PIWIL2: variants seen among roughly 807,000 people sequenced by gnomAD.
PIWIL2 encodes the protein piwi like RNA-mediated gene silencing 2.
In PIWIL2, 81 loss-of-function variants were observed where a neutral mutation model predicts 116.5. That is an observed-to-expected ratio of 0.70 (90% CI 0.58 to 0.84). The LOEUF (loss-of-function observed/expected upper bound fraction) is 0.84. PIWIL2 is among the 40% of genes least tolerant of loss of function. PIWIL2 has a pLI of 0.00. For synonymous variants in PIWIL2, 489 were observed against 429.5 expected (o/e 1.14, Z -1.71); for missense variants, 1,272 against 1,212.3 (o/e 1.05, Z -0.73).
intron 10 of PIWIL2, among the ~76,000 whole-genome samples, chr8:22,291,496 A>T (rs551860950): frequency 6.6e-6 from 1 of 152,314 alleles, no homozygotes; most frequent in Non-Finnish European, 1.5e-5. Flanking sequence ...CATCTTACAC[A>T]TAAGTCTGTA....
chr8:22,288,370 C>T (rs550625306), intron 7 of PIWIL2, among the ~76,000 whole-genome samples, 172 bp from the exon 8 acceptor site: 3 of 151,124 alleles, frequency 2.0e-5, no homozygotes, highest in South Asian at 2.1e-4. Flanking sequence ...TTTTCTGAAT[C>T]GTAGTTGTCA....
chr8:22,343,822 T>G (rs184894475), intron 20 of PIWIL2, among the ~76,000 whole-genome samples: 170 of 152,328 alleles, frequency 1.1e-3, no homozygotes, highest in Non-Finnish European at 2.1e-3. Context: ...TGCAAAACAG[T>G]TTGGCAGCTA....
Position 22,312,265 on chromosome 8 carries a change from C to CA in PIWIL2, c.1989+982dup, listed in dbSNP as rs56133501. ...GGGCAACAGAGTGAGACCTTTTCTC[C>CA]AAAAAAAAAAAAAAAAATGAGATAG... On this transcript the variant is annotated intron_variant, in intron 16 of 22. Coordinates refer to ENST00000356766, the MANE Select transcript of PIWIL2 (RefSeq NM_018068.5). 5.3e-3 allele frequency among the ~76,000 whole-genome samples: 695 copies of CA among 130,122 alleles called. 2 individuals are homozygous for CA. Among genetic ancestry groups the CA allele is most frequent in the African/African-American group, 0.016 (538 of 32,640 alleles). 85.4% of individuals were successfully genotyped at this position (130,122 alleles called of 152,430 possible).
intron 16 of PIWIL2, among the ~76,000 whole-genome samples, chr8:22,311,625 C>T (rs187493946): frequency 9.1e-4 from 139 of 152,320 alleles, no homozygotes; most frequent in African/African-American, 2.4e-3. Flanking sequence ...TGCCGTCTTG[C>T]ACGATTCACT....
At chr8:22,307,058 T>C (rs545304629) in intron 13 of PIWIL2, among the ~76,000 whole-genome samples, 3 of 152,242 alleles carry the variant, frequency 2.0e-5, no homozygotes, top group Non-Finnish European at 4.4e-5. Context: ...AAGTGACTTA[T>C]GGTAACATCA....
rs1256292655 is a variant in PIWIL2 at position 22,310,039 on chromosome 8, G to A, written c.1765G>A (p.Val589Ile). Residue 589 changes from valine (V) to isoleucine (I), a missense_variant, in exon 15 of 23, where the codon GTT (valine) becomes ATT (isoleucine). Val to Ile is a conservative substitution (Grantham distance 29). Coordinates refer to ENST00000356766, the MANE Select transcript of PIWIL2 (RefSeq NM_018068.5). ...SFITSQELNW[V>I]KEVTRDPSIL... The stretch of plus-strand genomic sequence containing the variant: ...TATCACATCTCAGGAACTAAACTGG[G>A]TTAAGGAAGTAACCAGAGACCCTTC... 6.2e-7 allele frequency: 1 copy of A among 1,607,868 alleles called. No homozygotes were observed. The highest frequency in any genetic ancestry group is 8.5e-7 in the Non-Finnish European group (1 of 1,174,434).
rs758793791 is a variant in PIWIL2, at chr8:22,315,164, G to A, written c.2208+19G>A. On this transcript the variant is annotated intron_variant, in intron 18 of 22. Transcript: ENST00000356766. ...TCCTCTGGTGAGTGATGCCGAGATG[G>A]TTCAGTTTGCCTCTCCAGAGAATCC... 63 of 1,327,386 alleles carry A rather than the reference G, an allele frequency of 4.7e-5. No individual in the cohort carries two copies. The East Asian group carries it at 1.4e-3, about 30-fold the overall frequency. 82.2% of individuals were successfully genotyped at this position (1,327,386 alleles called of 1,614,324 possible).
At chr8:22,302,107 A>C (rs76471371) in intron 10 of PIWIL2, among the ~76,000 whole-genome samples, 7,549 of 151,818 alleles carry the variant, frequency 0.05, 293 homozygotes, top group Admixed American at 0.086. Flanking sequence ...GTGTATTATA[A>C]TTTTCAAATA....
At chr8:22,331,782 T>G (rs1831867351) in intron 20 of PIWIL2, among the ~76,000 whole-genome samples, 1 of 152,090 alleles carries the variant, frequency 6.6e-6, no homozygotes, top group African/African-American at 2.4e-5. Flanking sequence ...CTTGTGTCTG[T>G]GTCCTCATCT....
intron 6 of PIWIL2, among the ~76,000 whole-genome samples, chr8:22,284,712 C>G (rs1366493680): frequency 2.0e-5 from 3 of 148,990 alleles, no homozygotes; most frequent in Non-Finnish European, 3.0e-5. Flanking sequence ...GCCATCATAC[C>G]AACATCTGAC....
At chr8:22,301,128 C>T (rs1030837660) in intron 10 of PIWIL2, among the ~76,000 whole-genome samples, 1 of 151,812 alleles carries the variant, frequency 6.6e-6, no homozygotes, top group African/African-American at 2.4e-5. Context: ...TACAGGCATG[C>T]ACCACCATGC....
At chr8:22,280,605 G>C (rs1830477344) in intron 2 of PIWIL2, among the ~76,000 whole-genome samples, 2 of 152,134 alleles carry the variant, frequency 1.3e-5, no homozygotes, top group South Asian at 4.1e-4. Flanking sequence ...ATTCATGTCA[G>C]ATCCAACTGG....
intron 20 of PIWIL2, among the ~76,000 whole-genome samples, chr8:22,336,103 TCAA>T (rs1831976148): frequency 6.6e-6 from 1 of 152,116 alleles, no homozygotes; most frequent in Non-Finnish European, 1.5e-5. Flanking sequence ...AGATGTAAGA[TCAA>T]CAAGGAAATG....
At chr8:22,307,821 A>AT in intron 13 of PIWIL2, 112 bp from the exon 14 acceptor site, 1 of 750,354 alleles carries the variant, frequency 1.3e-6, no homozygotes, top group Non-Finnish European at 2.1e-6. Context: ...ATGTTTGAAA[A>AT]TTTCTGCTGA....
chr8:22,317,854 G>T (rs1166022263), intron 19 of PIWIL2, among the ~76,000 whole-genome samples: 1 of 151,898 alleles, frequency 6.6e-6, no homozygotes, highest in South Asian at 2.1e-4. Context: ...GTAGAGACGG[G>T]GTTTCACCGT....
intron 20 of PIWIL2, among the ~76,000 whole-genome samples, chr8:22,351,379 A>T (rs1014042260): frequency 1.4e-5 from 2 of 139,480 alleles, no homozygotes; most frequent in Admixed American, 7.4e-5. Flanking sequence ...TTATTTTTTT[A>T]AAGTATTCTT....
In PIWIL2 at chr8:22,356,906, G is replaced by A. The variant is rs1045182547; in HGVS notation, c.*1401G>A. On this transcript the variant is annotated 3_prime_UTR_variant, in exon 23 of 23. Transcript: ENST00000356766. ...TCTTCTCCCAGTCCCTTCGGGCCTA[G>A]TTCTGTCTCATCTTGCTTTATTGGG... 6.6e-5 allele frequency: 10 copies of A among 152,022 alleles called. No homozygotes were observed. The highest frequency in any genetic ancestry group is 8.8e-5 in the Non-Finnish European group (6 of 68,014). 9.4% of individuals were successfully genotyped at this position (152,022 alleles called of 1,614,324 possible).
At chr8:22,305,386 G>T (rs1378317386) in intron 12 of PIWIL2, among the ~76,000 whole-genome samples, 1 of 151,972 alleles carries the variant, frequency 6.6e-6, no homozygotes, top group African/African-American at 2.4e-5. Flanking sequence ...TAGAGACGGG[G>T]TTTCACCGTG....
intron 20 of PIWIL2, among the ~76,000 whole-genome samples, chr8:22,335,496 G>A (rs1831959567): frequency 6.7e-6 from 1 of 150,314 alleles, no homozygotes; most frequent in East Asian, 1.9e-4. Flanking sequence ...TAGCTATACT[G>A]TAACCAAAAG....
Sources: allele counts gnomAD v4.1 joint callset (sites outside exome capture counted in the v4.1 genomes callset), GRCh38; gene constraint gnomAD v4.1.1; transcripts MANE v1.5; gene names NCBI Gene and HGNC (gene_info 2026-07-23, HGNC 2026-07-21).